The following SLC16A6 variants were observed in gnomAD, a reference collection of about 807,000 sequenced individuals.
SLC16A6 encodes solute carrier family 16 member 6.
Under a neutral mutation model 33.8 loss-of-function variants are expected in SLC16A6, and 15 were observed. The observed-to-expected ratio is 0.44, with a 90% CI of 0.30 to 0.68. The LOEUF is 0.68. Ranked by LOEUF, SLC16A6 falls within the 30% of genes least tolerant of loss-of-function variation. The probability of loss-of-function intolerance (pLI) is 0.10; values close to 1 mark genes in which losing one functional copy is unlikely to be tolerated. For missense variants in SLC16A6, 451 were observed against 661.5 expected (o/e 0.68, Z 3.49); for synonymous variants, 219 against 248.4 (o/e 0.88, Z 1.11).
At chr17:68,278,375 T>G (rs1416909635) in intron 1 of SLC16A6, 48 bp from the exon 2 acceptor site, 1 of 1,218,484 alleles carries the variant, frequency 8.2e-7, no homozygotes, top group Non-Finnish European at 1.2e-6. Context: ...AGCATGAGGA[T>G]CGATGATTCT....
chr17:68,284,342 C>G (rs2075793820), intron 1 of SLC16A6, among the ~76,000 whole-genome samples: 1 of 151,994 alleles, frequency 6.6e-6, no homozygotes, highest in Non-Finnish European at 1.5e-5. Context: ...TGCAATGAGC[C>G]AAGATCGTGC....
At chr17:68,291,229 G>T (rs1207433942), upstream of SLC16A6, 4 of 151,404 alleles carry the variant, frequency 2.6e-5, no homozygotes, top group African/African-American at 7.3e-5. Flanking sequence ...AAGTTGGCTC[G>T]GGCTGGTGAG....
intron 5 of SLC16A6, 90 bp downstream of exon 5, chr17:68,270,749 C>T: frequency 8.9e-7 from 1 of 1,121,430 alleles, no homozygotes; most frequent in Non-Finnish European, 1.3e-6. Context: ...TATAAAACGG[C>T]AGTAAGTTTT....
chr17:68,283,724 C>CA (rs1309988287), intron 1 of SLC16A6, among the ~76,000 whole-genome samples: 1 of 146,548 alleles, frequency 6.8e-6, no homozygotes, highest in Non-Finnish European at 1.5e-5. Flanking sequence ...AAAAAAAATA[C>CA]AAAATTAGCC....
At chr17:68,285,915 A>G (rs1187499262) in intron 1 of SLC16A6, among the ~76,000 whole-genome samples, 3 of 152,062 alleles carry the variant, frequency 2.0e-5, no homozygotes, top group African/African-American at 7.2e-5. Flanking sequence ...GCCCGCCACC[A>G]TGCCCAGCTA....
rs2075343318 is a variant in SLC16A6 at position 68,271,624 on chromosome 17, C to T, written c.536G>A (p.Trp179Ter). The T allele has an allele frequency of 1.2e-6, 2 of 1,613,606 alleles. No homozygotes were observed. Among genetic ancestry groups the T allele is most frequent in the East Asian group, 2.2e-5 (1 of 44,870 alleles). Residue 179 changes from tryptophan (W) to a stop codon, truncating the protein, a stop_gained, in exon 5 of 6, where the codon TGG (tryptophan) becomes TAG (stop). Transcript: ENST00000580666. LOFTEE classifies it high-confidence loss of function. This position sits in a 1 kb window ranked among gnomAD's most constrained non-coding sequence, Gnocchi z 5.3. The stretch of plus-strand genomic sequence containing the variant: ...GCCCACGAAGAGGAGGCTGTATCTC[C>T]AGCCAATGCGCTCCTTCAGAGCCAT... Reference protein sequence around the residue: ...AIMALKERIGWRYSLLFVGLL... With the variant: ...AIMALKERIG
At chr17:68,275,683 A>T (rs1462024681) in intron 2 of SLC16A6, among the ~76,000 whole-genome samples, 6 of 152,148 alleles carry the variant, frequency 3.9e-5, no homozygotes, top group Non-Finnish European at 8.8e-5. Flanking sequence ...TCCACAATTT[A>T]AAAATGAAGT....
intron 1 of SLC16A6, among the ~76,000 whole-genome samples, chr17:68,287,990 CTTTT>C (rs542264053): frequency 7.9e-6 from 1 of 126,082 alleles, no homozygotes; most frequent in Non-Finnish European, 1.7e-5. Context: ...TCCCTCCTTT[CTTTT>C]TTTTTTTTTT....
Position 68,268,912 on chromosome 17 carries a change from AG to A in SLC16A6, c.*183del, listed in dbSNP as rs2075238322. On this transcript the variant is annotated 3_prime_UTR_variant, in exon 6 of 6. Transcript: ENST00000580666. Reference sequence around the variant, plus strand: ...GCTTTAAAAACAAGCAAAAAAAAAAAGCTTAAAACAAAACAAAACAAAACAA... The same window carrying A: ...GCTTTAAAAACAAGCAAAAAAAAAAACTTAAAACAAAACAAAACAAAACAA... The A allele has an allele frequency of 7.3e-7, 1 of 1,369,230 alleles. No homozygotes were observed. The highest frequency in any genetic ancestry group is 9.8e-7 in the Non-Finnish European group (1 of 1,019,154). 84.8% of individuals were successfully genotyped at this position (1,369,230 alleles called of 1,614,324 possible). A position where few individuals can be genotyped will look rare whatever the true frequency, so the allele number is the denominator to read the frequency against.
chr17:68,274,256 A>T, intron 2 of SLC16A6, 186 bp from the exon 3 acceptor site: 1 of 528,434 alleles, frequency 1.9e-6, no homozygotes, highest in Non-Finnish European at 3.3e-6. Flanking sequence ...GCTTGAGCCC[A>T]GGAGTTCAAG....
At position 68,284,142 on chromosome 17, in the gene SLC16A6, C is replaced by T. The variant is rs149581511; in HGVS notation, c.-7-5815G>A. On this transcript the variant is annotated intron_variant, in intron 1 of 5. Transcript: ENST00000580666. ...AAAAAAAAAGCTGGGCGCAGTGGCTCATGCCTGTAATCCTTTGGGAGGCCA... is the reference window on the plus strand; with the variant it reads ...AAAAAAAAAGCTGGGCGCAGTGGCTTATGCCTGTAATCCTTTGGGAGGCCA... Among the ~76,000 whole-genome samples the T allele has an allele frequency of 7.1e-3, 1,054 of 147,940 alleles. 7 individuals are homozygous for T. The highest frequency in any genetic ancestry group is 0.01 in the Non-Finnish European group (698 of 67,306).
In SLC16A6 at chr17:68,271,073, G is replaced by A; in HGVS notation, c.1087C>T (p.Leu363Phe). Residue 363 changes from leucine (L) to phenylalanine (F), a missense_variant, in exon 5 of 6, where the codon CTC becomes TTC. This residue lies in a region of SLC16A6 where 405 missense variants were observed against 510.7 expected (regional missense o/e 0.79). Transcript: ENST00000580666. The surrounding 1 kb of genome is among the most constrained non-coding windows in gnomAD (Gnocchi z 5.3). ...REPIRKIYIE[L>F]ICVILLTVSL... ...ACAGTCAATAAGATGACGCAGATGA[G>A]CTCAATGTAAATCTTACGAATGGGC... 1 of 1,614,190 alleles carries A rather than the reference G, an allele frequency of 6.2e-7. No homozygotes were observed. Among genetic ancestry groups the A allele is most frequent in the Middle Eastern group, 1.6e-4 (1 of 6,062 alleles).
chr17:68,283,391 G>C (rs2075759082), intron 1 of SLC16A6, among the ~76,000 whole-genome samples: 1 of 151,944 alleles, frequency 6.6e-6, no homozygotes, highest in African/African-American at 2.4e-5. Context: ...CGTGGTGGCG[G>C]GCGCCTGTAG....
intron 1 of SLC16A6, among the ~76,000 whole-genome samples, chr17:68,288,253 G>C (rs1214457956): frequency 6.6e-6 from 1 of 152,000 alleles, no homozygotes; most frequent in Admixed American, 6.6e-5. Context: ...GCCCGCCTCA[G>C]CCTCCCAAAG....
rs1402224607 is a variant in SLC16A6, at chr17:68,272,653, A to C, written c.491T>G (p.Phe164Cys). The part of the protein sequence containing the change: ...VASTGECFAV[F>C]AFAPAIMALK... ...AGTCCACCTACCTGGTGCGAAAGCA[A>C]ACACAGCGAAACATTCTCCTGTGGA... Residue 164 changes from phenylalanine to cysteine, a missense_variant, in exon 4 of 6, where the codon TTT becomes TGT. Physicochemically the swap from Phe to Cys is radical, Grantham distance 205. Transcript: ENST00000580666. 1 of 1,613,974 alleles carries C rather than the reference A, an allele frequency of 6.2e-7. No homozygotes were observed. The highest frequency in any genetic ancestry group is 1.3e-5 in the African/African-American group (1 of 74,940).
intron 1 of SLC16A6, 33 bp downstream of exon 1, chr17:68,291,053 C>T (rs1291981283): frequency 6.6e-6 from 1 of 152,234 alleles, no homozygotes; most frequent in East Asian, 1.9e-4. Context: ...CACAATCAAA[C>T]TTTTAAACAT....
chr17:68,284,739 T>G (rs1256464356), intron 1 of SLC16A6, among the ~76,000 whole-genome samples: 1 of 152,226 alleles, frequency 6.6e-6, no homozygotes, highest in Non-Finnish European at 1.5e-5. Flanking sequence ...AGCCTAGTAC[T>G]TGGGAAGGAC....
intron 1 of SLC16A6, among the ~76,000 whole-genome samples, chr17:68,286,023 T>C (rs1555754250): frequency 2.0e-5 from 3 of 152,158 alleles, no homozygotes; most frequent in Admixed American, 6.5e-5. Flanking sequence ...CCTCCCAAAG[T>C]GCTGGGATTA....
At chr17:68,290,414 C>T (rs1187502675) in intron 1 of SLC16A6, among the ~76,000 whole-genome samples, 2 of 152,224 alleles carry the variant, frequency 1.3e-5, no homozygotes, top group African/African-American at 4.8e-5. Context: ...AACTGCTTGG[C>T]GACACCAGCG....
Sources: allele counts gnomAD v4.1 joint callset (sites outside exome capture counted in the v4.1 genomes callset), GRCh38; gene constraint gnomAD v4.1.1; regional missense constraint gnomAD v4.1.1; non-coding constraint Gnocchi (gnomAD v3.1); transcripts MANE v1.5; gene names NCBI Gene and HGNC (gene_info 2026-07-23, HGNC 2026-07-21).